The following DOCK3 variants were observed in gnomAD, a reference collection of about 807,000 sequenced individuals.
DOCK3 encodes the protein dedicator of cytokinesis protein 3.
DOCK3 carries 60 observed loss-of-function variants against 265.6 expected under a neutral mutation model. That is an observed-to-expected ratio of 0.23 (90% CI 0.18 to 0.28). The LOEUF (loss-of-function observed/expected upper bound fraction) is 0.28. Among genes scored for constraint, DOCK3 ranks in the 10% least tolerant of loss-of-function variants. The pLI, the probability that DOCK3 is intolerant of heterozygous loss-of-function variation, is 1.00. For missense variants in DOCK3, 1,981 were observed against 2,594.3 expected, an observed-to-expected ratio of 0.76 and a Z score of 5.14; for synonymous variants, 881 against 938.0, an observed-to-expected ratio of 0.94 and a Z score of 1.11.
intron 9 of DOCK3, among the ~76,000 whole-genome samples, chr3:51,144,815 G>A (rs887027130): frequency 6.6e-6 from 1 of 152,094 alleles, no homozygotes; most frequent in Non-Finnish European, 1.5e-5. Context: ...ATGAATACAC[G>A]AACAAACTAA....
chr3:51,152,679 G>A (rs2085660629), intron 10 of DOCK3, among the ~76,000 whole-genome samples: 1 of 152,146 alleles, frequency 6.6e-6, no homozygotes, highest in African/African-American at 2.4e-5. Flanking sequence ...ATGGGGTTTT[G>A]GTGTTGATGT....
chr3:51,360,734 C>A lies in DOCK3; in HGVS notation c.5006+102C>A. The A allele has an allele frequency of 2.7e-6, 4 of 1,481,494 alleles. No individual in the cohort carries two copies. The South Asian group carries it at 3.9e-5, about 14-fold the overall frequency. The allele number at this position is 1,481,494 out of a possible 1,614,324, so 91.8% of individuals were successfully genotyped here. A position where few individuals can be genotyped will look rare whatever the true frequency, so the allele number is the denominator to read the frequency against. ...CATGTATACTCATATTCCCTCTTAC[C>A]CATGCACACAGCAAACACTTATGTG... is the stretch of plus-strand genomic sequence containing the variant. On this transcript the variant is annotated intron_variant, in intron 47 of 52. Transcript: ENST00000266037.
chr3:51,284,279 A>G (rs1334214274), intron 27 of DOCK3, among the ~76,000 whole-genome samples: 3 of 152,070 alleles, frequency 2.0e-5, no homozygotes, highest in Non-Finnish European at 2.9e-5. Context: ...GAGCACATAA[A>G]TACTTCCAGG....
chr3:50,954,290 C>CTT (rs1462696683), intron 5 of DOCK3, among the ~76,000 whole-genome samples: 1 of 152,048 alleles, frequency 6.6e-6, no homozygotes, highest in African/African-American at 2.4e-5. Context: ...GATTTCCTTC[C>CTT]TTTTTAAGGC....
At chr3:51,269,233 A>G (rs2108858646) in intron 23 of DOCK3, among the ~76,000 whole-genome samples, 1 of 149,768 alleles carries the variant, frequency 6.7e-6, no homozygotes, top group East Asian at 1.9e-4. Flanking sequence ...TATATTATTC[A>G]GTTAGACTTT....
intron 2 of DOCK3, among the ~76,000 whole-genome samples, chr3:50,827,464 C>T (rs1278613782): frequency 2.0e-5 from 3 of 152,110 alleles, no homozygotes; most frequent in Non-Finnish European, 2.9e-5. Flanking sequence ...GGGCATTAAT[C>T]CTGTTTATAA....
intron 45 of DOCK3, 50 bp from the exon 46 acceptor site, chr3:51,357,911 T>G (rs905457690): frequency 6.2e-7 from 1 of 1,612,836 alleles, no homozygotes; most frequent in Non-Finnish European, 8.5e-7. Flanking sequence ...TGAGCAGTTC[T>G]CAGGGGCTAC....
At chr3:51,344,489 G>T (rs576620667) in intron 38 of DOCK3, among the ~76,000 whole-genome samples, 1 of 152,152 alleles carries the variant, frequency 6.6e-6, no homozygotes, top group African/African-American at 2.4e-5. Flanking sequence ...GTGTGGTGGC[G>T]CATGCCTGTA....
At chr3:50,729,032 T>C (rs9681014) in intron 1 of DOCK3, among the ~76,000 whole-genome samples, 9 of 139,460 alleles carry the variant, frequency 6.5e-5, no homozygotes, top group Non-Finnish European at 1.3e-4. Flanking sequence ...CCTGTTTTTC[T>C]TTTTTTGGCC....
Position 51,051,180 on chromosome 3 carries a change from AC to A in DOCK3, c.316-13266del, listed in dbSNP as rs2080981045. ...TATAAAGTTTTTAAAAATAGATAAA[AC>A]CAAACAATTTTTAAAGGGATATATA... On this transcript the variant is annotated intron_variant, in intron 5 of 52. Transcript: ENST00000266037. Among the ~76,000 whole-genome samples, 3 of 152,236 alleles carry A rather than the reference AC, an allele frequency of 2.0e-5. No individual in the cohort carries two copies. The South Asian group carries it at 6.2e-4, about 31-fold the overall frequency.
chr3:50,907,550 GT>G (rs1261887371), intron 4 of DOCK3, among the ~76,000 whole-genome samples: 2 of 152,000 alleles, frequency 1.3e-5, no homozygotes, highest in African/African-American at 4.8e-5. Context: ...TTTAAAGTCT[GT>G]TTTATCAGAG....
intron 2 of DOCK3, chr3:50,787,516 C>T (rs1448715696): frequency 5.5e-6 from 3 of 546,612 alleles, no homozygotes; most frequent in Non-Finnish European, 9.7e-6. Flanking sequence ...GCCTGGGCAA[C>T]AAGAGTAAAA....
At chr3:51,089,138 T>A in intron 7 of DOCK3, 105 bp from the exon 8 acceptor site, 3 of 1,124,702 alleles carry the variant, frequency 2.7e-6, no homozygotes, top group Non-Finnish European at 2.6e-6. Context: ...TTAAATGAGA[T>A]CATGAATATA....
At chr3:51,075,604 A>G (rs1444491220) in intron 7 of DOCK3, among the ~76,000 whole-genome samples, 164 bp downstream of exon 7, 2 of 152,168 alleles carry the variant, frequency 1.3e-5, no homozygotes, top group South Asian at 2.1e-4. Flanking sequence ...TAGCTTTCCA[A>G]ATAGGATTCC....
In DOCK3 at chr3:51,332,886, C is replaced by T. The variant is rs2084621401; in HGVS notation, c.3489-115C>T. Reference sequence around the variant, plus strand: ...GGTGGCTGGAGCCGAACCCCTCCCTCCCCCCACCTCAGTGGCATCCTTAGG... The same window carrying T: ...GGTGGCTGGAGCCGAACCCCTCCCTTCCCCCACCTCAGTGGCATCCTTAGG... On this transcript the variant is annotated intron_variant, in intron 33 of 52. Coordinates refer to ENST00000266037, the MANE Select transcript of DOCK3 (RefSeq NM_004947.5). The T allele has an allele frequency of 5.0e-6, 7 of 1,387,148 alleles. No homozygotes were observed. The East Asian group carries it at 9.7e-5, about 19-fold the overall frequency. 85.9% of individuals were successfully genotyped at this position (1,387,148 alleles called of 1,614,324 possible).
chr3:50,796,850 A>T (rs1316436315), intron 2 of DOCK3, among the ~76,000 whole-genome samples: 1 of 151,916 alleles, frequency 6.6e-6, no homozygotes, highest in African/African-American at 2.4e-5. Flanking sequence ...AGTTTGCAGA[A>T]GATTTTAGGG....
intron 5 of DOCK3, among the ~76,000 whole-genome samples, chr3:51,008,068 T>A (rs552442427): frequency 6.6e-6 from 1 of 152,190 alleles, no homozygotes; most frequent in African/African-American, 2.4e-5. Flanking sequence ...TGCCTCCAGC[T>A]TTGTTGTTTT....
chr3:51,130,411 T>C (rs2084473555), intron 9 of DOCK3, among the ~76,000 whole-genome samples: 3 of 152,230 alleles, frequency 2.0e-5, no homozygotes, highest in Admixed American at 1.3e-4. Context: ...TGGACTGGAA[T>C]GGAGGAAAAG....
intron 3 of DOCK3, among the ~76,000 whole-genome samples, chr3:50,875,982 T>TA (rs1029019635): frequency 6.6e-6 from 1 of 151,862 alleles, no homozygotes; most frequent in African/African-American, 2.4e-5. Flanking sequence ...ACTGGAGCAT[T>TA]AAAAAAAATT....
Sources: allele counts gnomAD v4.1 joint callset (sites outside exome capture counted in the v4.1 genomes callset), GRCh38; gene constraint gnomAD v4.1.1; transcripts MANE v1.5; gene names NCBI Gene and HGNC (gene_info 2026-07-23, HGNC 2026-07-21).